Variants in FLT3 observed in about 807,000 individuals in gnomAD.
The protein encoded by FLT3 is receptor-type tyrosine-protein kinase FLT3.
Under a neutral mutation model 126.6 loss-of-function variants are expected in FLT3, and 46 were observed. The observed-to-expected ratio is 0.36, with a 90% CI of 0.29 to 0.46. The LOEUF is 0.46. FLT3 is among the 20% of genes least tolerant of loss of function. The pLI is 1.00. For synonymous variants in FLT3, 404 were observed against 434.4 expected, an observed-to-expected ratio of 0.93 and a Z score of 0.87; for missense variants, 1,069 against 1,190.3, an observed-to-expected ratio of 0.90 and a Z score of 1.50.
At chr13:28,038,935 T>G (rs1001691183) in intron 9 of FLT3, among the ~76,000 whole-genome samples, 1 of 151,908 alleles carries the variant, frequency 6.6e-6, no homozygotes, top group Non-Finnish European at 1.5e-5. Flanking sequence ...GTGGAATCAT[T>G]AAAGCATTAA....
intron 15 of FLT3, among the ~76,000 whole-genome samples, chr13:28,029,805 A>G (rs1236054999): frequency 2.0e-5 from 3 of 152,226 alleles, no homozygotes; most frequent in African/African-American, 7.2e-5. Flanking sequence ...AGGCTAGAAC[A>G]TATTGGTTGG....
At chr13:28,043,463 C>T (rs928443981) in intron 9 of FLT3, among the ~76,000 whole-genome samples, 1 of 152,136 alleles carries the variant, frequency 6.6e-6, no homozygotes, top group Non-Finnish European at 1.5e-5. Flanking sequence ...ATACCATGAC[C>T]ACACCAAAGT....
chr13:28,012,953 T>C (rs2137604899), intron 23 of FLT3, among the ~76,000 whole-genome samples: 1 of 151,724 alleles, frequency 6.6e-6, no homozygotes, highest in Non-Finnish European at 1.5e-5. Flanking sequence ...AAAAAAAGTG[T>C]ATAGCTAGAC....
chr13:28,048,730 A>G (rs1875131247), intron 8 of FLT3, among the ~76,000 whole-genome samples: 1 of 152,196 alleles, frequency 6.6e-6, no homozygotes, highest in East Asian at 1.9e-4. Context: ...CTCAGCCAGC[A>G]CCACTCTTCC....
At chr13:28,097,811 A>G (rs533855379) in intron 1 of FLT3, among the ~76,000 whole-genome samples, 1 of 152,376 alleles carries the variant, frequency 6.6e-6, no homozygotes, top group South Asian at 2.1e-4. Context: ...AACAAGAGCA[A>G]AGAATGGCAA....
intron 1 of FLT3, among the ~76,000 whole-genome samples, chr13:28,076,176 A>G: frequency 6.6e-6 from 1 of 152,192 alleles, no homozygotes; most frequent in Non-Finnish European, 1.5e-5. Context: ...CATCCATGCA[A>G]TTAACAAATA....
chr13:28,094,567 G>A (rs1275516434), intron 1 of FLT3, among the ~76,000 whole-genome samples: 2 of 151,964 alleles, frequency 1.3e-5, no homozygotes, highest in Admixed American at 6.6e-5. Context: ...TGGCATGGTC[G>A]TAGCTCACTG....
At chr13:28,008,572 C>T (rs144455380) in intron 23 of FLT3, among the ~76,000 whole-genome samples, 5,351 of 152,122 alleles carry the variant, frequency 0.035, 284 homozygotes, top group African/African-American at 0.12. Context: ...CTCCGCCTCC[C>T]GGTTTCAAGC....
chr13:28,014,377 C>T lies in FLT3; in HGVS notation c.2859+75G>A, dbSNP rs1871648881. On this transcript the variant is annotated intron_variant, in intron 23 of 23. Coordinates refer to ENST00000241453, the MANE Select transcript of FLT3 (RefSeq NM_004119.3). The stretch of plus-strand genomic sequence containing the variant: ...ATGACAACTTGGTACCTTTGGTTCA[C>T]AGGAAGACAGCAACAAGTGTTTTAA... 3 of 1,106,722 alleles carry T rather than the reference C, an allele frequency of 2.7e-6. No individual in the cohort carries two copies. In the South Asian group the frequency reaches 3.9e-5, roughly 14 times the overall value. 68.6% of individuals were successfully genotyped at this position (1,106,722 alleles called of 1,614,324 possible).
chr13:28,094,756 C>A (rs949024830), intron 1 of FLT3, among the ~76,000 whole-genome samples: 2 of 152,186 alleles, frequency 1.3e-5, no homozygotes, highest in African/African-American at 4.8e-5. Context: ...CCACCTAGGC[C>A]TCCCAAAGTG....
At position 28,100,397 on chromosome 13, in the gene FLT3, GC is replaced by G. The variant is rs1879748673; in HGVS notation, c.43+70del. 1 of 1,087,558 alleles carries G rather than the reference GC, an allele frequency of 9.2e-7. No individual in the cohort carries two copies. The allele number at this position is 1,087,558 out of a possible 1,614,324, so 67.4% of individuals were successfully genotyped here. On this transcript the variant is annotated intron_variant, in intron 1 of 23. Coordinates refer to ENST00000241453, the MANE Select transcript of FLT3 (RefSeq NM_004119.3). This position sits in a 1 kb window ranked among gnomAD's most constrained non-coding sequence, Gnocchi z 4.8. ...GGCGGCTGGGCCGGAGGAGGCGCGC[GC>G]CCGGGTCCACACTGCGGGGTGGGGG...
chr13:28,070,652 C>A, intron 1 of FLT3, 40 bp from the exon 2 acceptor site: 3 of 1,499,426 alleles, frequency 2.0e-6, no homozygotes, highest in Non-Finnish European at 2.7e-6. Context: ...GATACATGCA[C>A]ACCTTAAAAA....
At chr13:28,045,278 G>T (rs1055090510) in intron 9 of FLT3, among the ~76,000 whole-genome samples, 1 of 152,148 alleles carries the variant, frequency 6.6e-6, no homozygotes, top group Non-Finnish European at 1.5e-5. Flanking sequence ...ACATTCTTGC[G>T]GGAGAGGGAA....
chr13:28,091,331 C>T (rs1879058847), intron 1 of FLT3, among the ~76,000 whole-genome samples: 2 of 143,074 alleles, frequency 1.4e-5, no homozygotes, highest in Admixed American at 7.2e-5. Flanking sequence ...ACGCCATTCT[C>T]CTGCCTCAGC....
chr13:28,057,630 C>T (rs533398384), intron 3 of FLT3, among the ~76,000 whole-genome samples, 168 bp from the exon 4 acceptor site: 13 of 152,250 alleles, frequency 8.5e-5, no homozygotes, highest in Middle Eastern at 6.8e-3. Context: ...TCAGCCTGGG[C>T]GTTGCTCGTT....
intron 23 of FLT3, among the ~76,000 whole-genome samples, chr13:28,008,625 A>G (rs1593205866): frequency 6.6e-6 from 1 of 151,948 alleles, no homozygotes; most frequent in Non-Finnish European, 1.5e-5. Context: ...GATTTTAGCT[A>G]CCTGCCACCA....
Position 28,034,101 on chromosome 13 carries a change from T to C in FLT3, c.1818A>G (p.Pro606=), listed in dbSNP as rs1468521095. ...EYEYDLKWEF[P]RENLEFGKVL... is the part of the protein sequence containing the mutation. The stretch of plus-strand genomic sequence containing the variant: ...TCTTACCAAACTCTAAATTTTCTCT[T>C]GGAAACTCCCATTTGAGATCATATT... Residue 606 remains proline (P), a synonymous_variant, in exon 14 of 24, where the codon CCA becomes CCG. Transcript: ENST00000241453. 3.1e-6 allele frequency: 5 copies of C among 1,613,544 alleles called. No homozygotes were observed. The highest frequency in any genetic ancestry group is 4.2e-6 in the Non-Finnish European group (5 of 1,179,914).
chr13:28,034,322 T>C lies in FLT3; in HGVS notation c.1683A>G (p.Leu561=), dbSNP rs34374211. ...TTACCTTTTTGTACTTGTGACAAAT[T>C]AGCAGGGTTAAAACGACAATGAAGA... The part of the protein sequence containing the change: ...CLLFIVVLTL[L]ICHKYKKQFR... The change falls in exon 13 of 24, where the codon CTA becomes CTG. Residue 561 remains leucine (L), a synonymous_variant. Coordinates refer to ENST00000241453, the MANE Select transcript of FLT3 (RefSeq NM_004119.3). 0.06 allele frequency: 97,312 copies of C among 1,613,474 alleles called. 5,747 individuals carry two copies. Among genetic ancestry groups the C allele is most frequent in the African/African-American group, 0.23 (17,017 of 74,962 alleles).
At chr13:28,096,318 C>T (rs546720566) in intron 1 of FLT3, among the ~76,000 whole-genome samples, 66 of 152,276 alleles carry the variant, frequency 4.3e-4, no homozygotes, top group Non-Finnish European at 6.2e-4. Flanking sequence ...TGTACCACTG[C>T]ACTCCAGCCT....
Sources: allele counts gnomAD v4.1 joint callset (sites outside exome capture counted in the v4.1 genomes callset), GRCh38; gene constraint gnomAD v4.1.1; non-coding constraint Gnocchi (gnomAD v3.1); transcripts MANE v1.5; gene names NCBI Gene and HGNC (gene_info 2026-07-23, HGNC 2026-07-21).